Variants in BAK1 observed in about 807,000 individuals in gnomAD.
BAK1 encodes BCL2 antagonist/killer 1.
Under a neutral mutation model 24.7 loss-of-function variants are expected in BAK1, and 19 were observed. The ratio of observed to expected loss-of-function variants is 0.77; its 90% confidence interval spans 0.54 to 1.13. BAK1 has a LOEUF of 1.13. Among genes scored for constraint, BAK1 ranks in the 50% most tolerant of loss-of-function variants. The pLI, the probability that BAK1 is intolerant of heterozygous loss-of-function variation, is 0.00. For missense variants in BAK1, 194 were observed against 279.4 expected (o/e 0.69, Z 2.18); for synonymous variants, 86 against 107.3 (o/e 0.80, Z 1.23).
At position 33,575,550 on chromosome 6, in the gene BAK1, C is replaced by A; in HGVS notation, c.207-109G>T. The A allele has an allele frequency of 6.8e-7, 1 of 1,465,756 alleles. No homozygotes were observed. The allele number at this position is 1,465,756 out of a possible 1,614,324, so 90.8% of individuals were successfully genotyped here. A position where few individuals can be genotyped will look rare whatever the true frequency, so the allele number is the denominator to read the frequency against. On this transcript the variant is annotated intron_variant, in intron 3 of 5. Transcript: ENST00000374467. This position sits in a 1 kb window ranked among gnomAD's most constrained non-coding sequence, Gnocchi z 6.3. ...GAGCTGTCCATGGCCCTGTGCATCC[C>A]TTCTTGGAGGTCCCTGACAGTGTTC...
Position 33,572,864 on chromosome 6 carries a change from C to T in BAK1, c.*939G>A, listed in dbSNP as rs1181864913. The T allele has an allele frequency of 6.6e-6, 1 of 151,836 alleles. No individual in the cohort carries two copies. The highest frequency in any genetic ancestry group is 2.4e-5 in the African/African-American group (1 of 41,148). The allele number at this position is 151,836 out of a possible 1,614,324, so 9.4% of individuals were successfully genotyped here. A position where few individuals can be genotyped will look rare whatever the true frequency, so the allele number is the denominator to read the frequency against. On this transcript the variant is annotated 3_prime_UTR_variant, in exon 6 of 6. Transcript: ENST00000374467. The stretch of plus-strand genomic sequence containing the variant: ...TGGGATTCCTAGTGGTGTTGATAGT[C>T]CTTCTCCCACTTAGAACCCTCCAGA...
At chr6:33,574,490 T>G in intron 4 of BAK1, 1 of 1,465,940 alleles carries the variant, frequency 6.8e-7, no homozygotes. Context: ...GTGGATGGAG[T>G]CAGCGGGGAG....
rs1449025533 is a variant in BAK1, at chr6:33,577,359, C to A, written c.70+176G>T. On this transcript the variant is annotated intron_variant, in intron 2 of 5. Coordinates refer to ENST00000374467, the MANE Select transcript of BAK1 (RefSeq NM_001188.4). This position sits in a 1 kb window ranked among gnomAD's most constrained non-coding sequence, Gnocchi z 4.6. ...GCCCTCCCCAGTCCAGACTCCTCCC[C>A]CTCCTGGGCTTAACCTTGACAGCAG... 1.3e-5 allele frequency among the ~76,000 whole-genome samples: 2 copies of A among 152,204 alleles called. No individual in the cohort carries two copies. The highest frequency in any genetic ancestry group is 2.1e-4 in the South Asian group (1 of 4,834).
At position 33,575,724 on chromosome 6, in the gene BAK1, T is replaced by C. The variant is rs1561831378; in HGVS notation, c.206+69A>G. The C allele has an allele frequency of 6.3e-6, 10 of 1,583,694 alleles. No homozygotes were observed. Among genetic ancestry groups the C allele is most frequent in the Non-Finnish European group, 8.6e-6 (10 of 1,163,974 alleles). On this transcript the variant is annotated intron_variant, in intron 3 of 5. Transcript: ENST00000374467. This position sits in a 1 kb window ranked among gnomAD's most constrained non-coding sequence, Gnocchi z 6.3. ...CGAGGCCTCCCCAGCTCCCAGGACC[T>C]GCACAGAGACCCATGCGAGCTACTG...
chr6:33,575,921 C>T lies in BAK1; in HGVS notation c.78G>A (p.Gln26=). ...EPALPSASEE[Q]VAQDTEEVFR... ...AAACCTCCTCTGTGTCCTGGGCTAC[C>T]TGCTCCTCTGAGGATCAAAGCTGGG... The change falls in exon 3 of 6, where the codon CAG becomes CAA. Residue 26 remains glutamine (Q), a synonymous_variant. Transcript: ENST00000374467. This position sits in a 1 kb window ranked among gnomAD's most constrained non-coding sequence, Gnocchi z 6.3. 1 of 1,614,126 alleles carries T rather than the reference C, an allele frequency of 6.2e-7. No homozygotes were observed. Among genetic ancestry groups the T allele is most frequent in the Non-Finnish European group, 8.5e-7 (1 of 1,180,008 alleles).
rs748774801 is a variant in BAK1 at position 33,575,820 on chromosome 6, A to G, written c.179T>C (p.Met60Thr). Residue 60 changes from methionine to threonine, a missense_variant, in exon 3 of 6, where the codon ATG becomes ACG. Met to Thr is a moderately conservative substitution (Grantham distance 81). Transcript: ENST00000374467. This position sits in a 1 kb window ranked among gnomAD's most constrained non-coding sequence, Gnocchi z 6.3. The part of the protein sequence containing the change: ...EGVAAPADPE[M>T]VTLPLQPSST... ...GCTAGGTTGCAGAGGTAAGGTGACC[A>G]TCTCTGGGTCGGCAGGGGCAGCCAC... The G allele has an allele frequency of 6.2e-7, 1 of 1,613,396 alleles. No individual in the cohort carries two copies. The highest frequency in any genetic ancestry group is 1.1e-5 in the South Asian group (1 of 91,038).
rs374498801 is a variant in BAK1, at chr6:33,580,239, C to G, written c.-246G>C. 4 of 152,558 alleles carry G rather than the reference C, an allele frequency of 2.6e-5. No homozygotes were observed. Among genetic ancestry groups the G allele is most frequent in the African/African-American group, 9.6e-5 (4 of 41,582 alleles). 9.5% of individuals were successfully genotyped at this position (152,558 alleles called of 1,614,324 possible). ...TGATCATAGAGGTGCCAGCGGCACCCGGCTCCAATCAGCTCCCTCTAGAGG... is the reference window on the plus strand; with the variant it reads ...TGATCATAGAGGTGCCAGCGGCACCGGGCTCCAATCAGCTCCCTCTAGAGG... On this transcript the variant is annotated 5_prime_UTR_variant, in exon 1 of 6. Coordinates refer to ENST00000374467, the MANE Select transcript of BAK1 (RefSeq NM_001188.4).
rs1762828574 is a variant in BAK1, at chr6:33,575,442, C to T, written c.207-1G>A. ...CTGCCGTCCCACCTGCCCCATGGTG[C>T]TGTAGGAGCAGGAGGCATGCAGGTG... On this transcript the variant is annotated splice_acceptor_variant, in intron 3 of 5. Transcript: ENST00000374467. LOFTEE classifies it high-confidence loss of function. This position sits in a 1 kb window ranked among gnomAD's most constrained non-coding sequence, Gnocchi z 6.3. 1 of 1,613,262 alleles carries T rather than the reference C, an allele frequency of 6.2e-7. No homozygotes were observed. Among genetic ancestry groups the T allele is most frequent in the Non-Finnish European group, 8.5e-7 (1 of 1,180,038 alleles).
At position 33,577,509 on chromosome 6, in the gene BAK1, G is replaced by C. The variant is rs1762866573; in HGVS notation, c.70+26C>G. 6.5e-7 allele frequency: 1 copy of C among 1,530,592 alleles called. No homozygotes were observed. The highest frequency in any genetic ancestry group is 1.2e-5 in the South Asian group (1 of 82,458). 94.8% of individuals were successfully genotyped at this position (1,530,592 alleles called of 1,614,324 possible). ...ACGACAGCACTCATGGTTATGGGAT[G>C]GGTGAGGGGGCAGGAAGACCCTTAC... On this transcript the variant is annotated intron_variant, in intron 2 of 5. Coordinates refer to ENST00000374467, the MANE Select transcript of BAK1 (RefSeq NM_001188.4). The surrounding 1 kb of genome is among the most constrained non-coding windows in gnomAD (Gnocchi z 4.6).
At position 33,574,535 on chromosome 6, in the gene BAK1, C is replaced by T. The variant is rs565170105; in HGVS notation, c.351-321G>A. 94 of 1,403,376 alleles carry T rather than the reference C, an allele frequency of 6.7e-5. 1 individual carries two copies. Among genetic ancestry groups the T allele is most frequent in the Admixed American group, 6.2e-4 (29 of 46,692 alleles). 86.9% of individuals were successfully genotyped at this position (1,403,376 alleles called of 1,614,324 possible). ...GGGTGTTGCTGCTGGCCTGGCAGCC[C>T]GAGGGACAGCAGAGAGAAAAGGACA... On this transcript the variant is annotated intron_variant, in intron 4 of 5. Coordinates refer to ENST00000374467, the MANE Select transcript of BAK1 (RefSeq NM_001188.4).
At chr6:33,576,634 A>AAAAAC (rs944958059) in intron 2 of BAK1, among the ~76,000 whole-genome samples, 8 of 151,862 alleles carry the variant, frequency 5.3e-5, no homozygotes, top group Non-Finnish European at 7.4e-5. Flanking sequence ...CTCCATCTCA[A>AAAAAC]AAAACAAAAC....
At position 33,578,662 on chromosome 6, in the gene BAK1, A is replaced by G. The variant is rs549786479; in HGVS notation, c.-31-1027T>C. ...ACCTGGTCTTCTGTCCCCGGCCCCA[A>G]TTTTCCTCTTTGCCTGGTCCTGACC... On this transcript the variant is annotated intron_variant, in intron 1 of 5. Coordinates refer to ENST00000374467, the MANE Select transcript of BAK1 (RefSeq NM_001188.4). This position sits in a 1 kb window ranked among gnomAD's most constrained non-coding sequence, Gnocchi z 4.8. 1.3e-5 allele frequency among the ~76,000 whole-genome samples: 2 copies of G among 151,566 alleles called. No individual in the cohort carries two copies. Among genetic ancestry groups the G allele is most frequent in the African/African-American group, 4.8e-5 (2 of 41,312 alleles).
chr6:33,576,238 G>A (rs540963887), intron 2 of BAK1, among the ~76,000 whole-genome samples: 2 of 151,950 alleles, frequency 1.3e-5, no homozygotes, highest in South Asian at 4.2e-4. Flanking sequence ...GGCTGAGGCA[G>A]GAGAATTACT....
intron 1 of BAK1, among the ~76,000 whole-genome samples, chr6:33,579,274 A>G (rs1399402752): frequency 6.6e-6 from 1 of 152,182 alleles, no homozygotes; most frequent in African/African-American, 2.4e-5. Flanking sequence ...TGAACCTTGG[A>G]GGCGGAGGTT....
Position 33,577,467 on chromosome 6 carries a change from C to T in BAK1, c.70+68G>A. ...CGAGGCGAAGGAGCCTGCCTGAGTCCTGCTCCTTCCATCCTCACGACAGCA... is the reference window on the plus strand; with the variant it reads ...CGAGGCGAAGGAGCCTGCCTGAGTCTTGCTCCTTCCATCCTCACGACAGCA... On this transcript the variant is annotated intron_variant, in intron 2 of 5. Transcript: ENST00000374467. The surrounding 1 kb of genome is among the most constrained non-coding windows in gnomAD (Gnocchi z 4.6). 1 of 1,414,602 alleles carries T rather than the reference C, an allele frequency of 7.1e-7. No homozygotes were observed. Among genetic ancestry groups the T allele is most frequent in the Non-Finnish European group, 9.5e-7 (1 of 1,048,060 alleles). 87.6% of individuals were successfully genotyped at this position (1,414,602 alleles called of 1,614,324 possible). A position where few individuals can be genotyped will look rare whatever the true frequency, so the allele number is the denominator to read the frequency against.
At chr6:33,579,746 G>A (rs549943152) in intron 1 of BAK1, among the ~76,000 whole-genome samples, 1 of 152,296 alleles carries the variant, frequency 6.6e-6, no homozygotes, top group East Asian at 1.9e-4. Context: ...TTCTCTCTCT[G>A]CCCTTGACCT....
At chr6:33,579,239 G>A (rs1582069172) in intron 1 of BAK1, among the ~76,000 whole-genome samples, 2 of 152,156 alleles carry the variant, frequency 1.3e-5, no homozygotes, top group African/African-American at 4.8e-5. Flanking sequence ...CCAGCTACTC[G>A]GGAGGCTGAG....
Position 33,577,572 on chromosome 6 carries a change from C to T in BAK1, c.33G>A (p.Arg11=). MASGQGPGPP[R]QECGEPALPS... The stretch of plus-strand genomic sequence containing the variant: ...GCAGGGCAGGCTCTCCGCACTCCTG[C>T]CTGGGAGGACCTGGGCCTTGCCCCG... The change falls in exon 2 of 6, where the codon AGG becomes AGA. Residue 11 remains arginine, a synonymous_variant. Transcript: ENST00000374467. The surrounding 1 kb of genome is among the most constrained non-coding windows in gnomAD (Gnocchi z 4.6). 6.5e-7 allele frequency: 1 copy of T among 1,549,386 alleles called. No homozygotes were observed. The highest frequency in any genetic ancestry group is 8.7e-7 in the Non-Finnish European group (1 of 1,145,508).
chr6:33,574,970 T>C (rs1762819223), intron 4 of BAK1, among the ~76,000 whole-genome samples: 1 of 152,084 alleles, frequency 6.6e-6, no homozygotes, highest in Non-Finnish European at 1.5e-5. Flanking sequence ...TGGTTTCAAA[T>C]TGGAACTATG....
Sources: allele counts gnomAD v4.1 joint callset (sites outside exome capture counted in the v4.1 genomes callset), GRCh38; gene constraint gnomAD v4.1.1; non-coding constraint Gnocchi (gnomAD v3.1); transcripts MANE v1.5; gene names NCBI Gene and HGNC (gene_info 2026-07-23, HGNC 2026-07-21).